Variants in NLE1 observed in about 807,000 individuals in gnomAD.
NLE1 encodes notchless homolog 1.
Under a neutral mutation model 62.8 loss-of-function variants are expected in NLE1, and 37 were observed. The ratio of observed to expected loss-of-function variants is 0.59; its 90% CI spans 0.45 to 0.78. The LOEUF (loss-of-function observed/expected upper bound fraction) is 0.78, where lower values mean the gene tolerates loss of function less well. Among genes scored for constraint, NLE1 ranks in the 30% least tolerant of loss-of-function variants. The pLI, the probability that NLE1 is intolerant of heterozygous loss-of-function variation, is 0.00. For synonymous variants in NLE1, 243 were observed against 253.0 expected, an observed-to-expected ratio of 0.96 and a Z score of 0.37; for missense variants, 555 against 637.9, an observed-to-expected ratio of 0.87 and a Z score of 1.40.
Position 35,137,094 on chromosome 17 carries a change from G to T in NLE1, c.735C>A (p.His245Gln). The part of the protein sequence containing the change: ...AGRCERILTG[H>Q]TQSVTCLRWG... The stretch of plus-strand genomic sequence containing the variant: ...ACCGGAGACAGGTGACCGACTGGGT[G>T]TGCCCGGTGAGGATGCGCTCACAGC... Residue 245 changes from histidine (H) to glutamine (Q), a missense_variant, in exon 7 of 13, where the codon CAC becomes CAA. Physicochemically the swap from His to Gln is conservative, Grantham distance 24. Transcript: ENST00000442241. 2.5e-6 allele frequency: 4 copies of T among 1,614,006 alleles called. No homozygotes were observed. Among genetic ancestry groups the T allele is most frequent in the Non-Finnish European group, 3.4e-6 (4 of 1,179,986 alleles).
chr17:35,136,605 T>A, intron 7 of NLE1, 108 bp from the exon 8 acceptor site: 1 of 1,365,370 alleles, frequency 7.3e-7, no homozygotes, highest in Non-Finnish European at 9.9e-7. Flanking sequence ...ACTCATGCAT[T>A]GTGATCTTAA....
chr17:35,135,419 G>T lies in NLE1; in HGVS notation c.1044C>A (p.Ser348=), dbSNP rs780986294. ...ACCACAGGAATAAGGTGAAGTCGTC[G>T]GAGCCAGACACCAGCCTCTCTGGAC... is the stretch of plus-strand genomic sequence containing the variant. The part of the protein sequence containing the change: ...GQGPERLVSG[S]DDFTLFLWSP... The change falls in exon 10 of 13, where the codon TCC becomes TCA. Residue 348 remains serine, a synonymous_variant. Coordinates refer to ENST00000442241, the MANE Select transcript of NLE1 (RefSeq NM_018096.5). The T allele has an allele frequency of 6.2e-7, 1 of 1,614,088 alleles. No individual in the cohort carries two copies. The highest frequency in any genetic ancestry group is 8.5e-7 in the Non-Finnish European group (1 of 1,179,992).
intron 7 of NLE1, 138 bp from the exon 8 acceptor site, chr17:35,136,635 T>G: frequency 9.2e-7 from 1 of 1,085,652 alleles, no homozygotes; most frequent in South Asian, 1.7e-5. Context: ...CCCTCTGGGG[T>G]CAAGTCTCTC....
chr17:35,135,193 C>A, intron 10 of NLE1, 56 bp downstream of exon 10: 1 of 1,543,074 alleles, frequency 6.5e-7, no homozygotes, highest in East Asian at 2.2e-5. Context: ...AGTGGCAGTG[C>A]CAAGCCCCTC....
Position 35,137,771 on chromosome 17 carries a change from G to A in NLE1, c.537+43C>T, listed in dbSNP as rs752306227. The A allele has an allele frequency of 3.5e-6, 5 of 1,435,032 alleles. No individual in the cohort carries two copies. In the East Asian group the frequency reaches 1.3e-4, roughly 36 times the overall value. 88.9% of individuals were successfully genotyped at this position (1,435,032 alleles called of 1,614,324 possible). Reference sequence around the variant, plus strand: ...CTGATTCTGAACTGTCTCCTAGGAAGGCCCCCTTGAGTCTCTGCCTAGTTA... The same window carrying A: ...CTGATTCTGAACTGTCTCCTAGGAAAGCCCCCTTGAGTCTCTGCCTAGTTA... On this transcript the variant is annotated intron_variant, in intron 5 of 12. Transcript: ENST00000442241.
At chr17:35,132,566 G>T in intron 12 of NLE1, 117 bp from the exon 13 acceptor site, 1 of 922,792 alleles carries the variant, frequency 1.1e-6, no homozygotes, top group Non-Finnish European at 1.5e-6. Flanking sequence ...GTCACCAAGA[G>T]CCAGGTGACC....
chr17:35,136,076 T>C, intron 9 of NLE1, 93 bp downstream of exon 9: 2 of 1,281,008 alleles, frequency 1.6e-6, no homozygotes, highest in Non-Finnish European at 2.2e-6. Context: ...CATTCTGAGC[T>C]GGGTCTAGAA....
intron 12 of NLE1, among the ~76,000 whole-genome samples, chr17:35,132,960 G>A (rs1001985352): frequency 1.7e-4 from 26 of 151,240 alleles, no homozygotes; most frequent in Non-Finnish European, 4.4e-5. Flanking sequence ...CGCCCTCTAC[G>A]AGGTGTCCTG....
intron 6 of NLE1, 35 bp from the exon 7 acceptor site, chr17:35,137,228 C>A: frequency 6.4e-7 from 1 of 1,554,746 alleles, no homozygotes; most frequent in South Asian, 1.2e-5. Flanking sequence ...CATCTGTGAC[C>A]TGGCAACATC....
At chr17:35,136,243 A>G in intron 8 of NLE1, 28 bp from the exon 9 acceptor site, 1 of 1,613,808 alleles carries the variant, frequency 6.2e-7, no homozygotes, top group Non-Finnish European at 8.5e-7. Context: ...AGGGGAGAAA[A>G]GGAGATGAGG....
In NLE1 at chr17:35,132,330, T is replaced by C. The variant is rs2091880784; in HGVS notation, c.*107A>G. ...GCCACACGCATTCTCAGGTCCCCACTGGTGGGGAGGGTGTGTGCACTGCCA... is the reference window on the plus strand; with the variant it reads ...GCCACACGCATTCTCAGGTCCCCACCGGTGGGGAGGGTGTGTGCACTGCCA... On this transcript the variant is annotated 3_prime_UTR_variant, in exon 13 of 13. Transcript: ENST00000442241. 1.0e-6 allele frequency: 1 copy of C among 962,462 alleles called. No homozygotes were observed. The highest frequency in any genetic ancestry group is 3.8e-5 in the Admixed American group (1 of 26,170). The allele number at this position is 962,462 out of a possible 1,614,324, so 59.6% of individuals were successfully genotyped here.
At position 35,129,330 on chromosome 17, in the gene NLE1, G is replaced by A. The variant is rs2091862110; in HGVS notation, c.*3107C>T. ...TGGGCCCCAGCAGGAGCAGGGGATGGGCATGGGACGTCCTGACCCCAGTTG... is the reference window on the plus strand; with the variant it reads ...TGGGCCCCAGCAGGAGCAGGGGATGAGCATGGGACGTCCTGACCCCAGTTG... On this transcript the variant is annotated 3_prime_UTR_variant, in exon 13 of 13. Coordinates refer to ENST00000442241, the MANE Select transcript of NLE1 (RefSeq NM_018096.5). 4 of 1,511,148 alleles carry A rather than the reference G, an allele frequency of 2.6e-6. No individual in the cohort carries two copies. Among genetic ancestry groups the A allele is most frequent in the Middle Eastern group, 1.8e-4 (1 of 5,696 alleles). 93.6% of individuals were successfully genotyped at this position (1,511,148 alleles called of 1,614,324 possible). A position where few individuals can be genotyped will look rare whatever the true frequency, so the allele number is the denominator to read the frequency against.
Position 35,137,075 on chromosome 17 carries a change from G to C in NLE1, c.754C>G (p.Leu252Val). The C allele has an allele frequency of 1.2e-6, 2 of 1,614,060 alleles. No homozygotes were observed. The highest frequency in any genetic ancestry group is 1.7e-6 in the Non-Finnish European group (2 of 1,179,982). Residue 252 changes from leucine to valine, a missense_variant, in exon 7 of 13, where the codon CTC becomes GTC. Physicochemically the swap from Leu to Val is conservative, Grantham distance 32. Coordinates refer to ENST00000442241, the MANE Select transcript of NLE1 (RefSeq NM_018096.5). ...LTGHTQSVTC[L>V]RWGGDGLLYS... ...AGAAGCCCGTCCCCTCCCCACCGGA[G>C]ACAGGTGACCGACTGGGTGTGCCCG... is the stretch of plus-strand genomic sequence containing the variant.
Position 35,130,683 on chromosome 17 carries a change from A to C in NLE1, c.*1754T>G. Reference sequence around the variant, plus strand: ...GCTGCTAGACTCCCTCCTCCTCCAAATCTGGGCTGGGTCTAGGTCCCTCAT... The same window carrying C: ...GCTGCTAGACTCCCTCCTCCTCCAACTCTGGGCTGGGTCTAGGTCCCTCAT... On this transcript the variant is annotated 3_prime_UTR_variant, in exon 13 of 13. Transcript: ENST00000442241. 12 of 493,852 alleles carry C rather than the reference A, an allele frequency of 2.4e-5. No homozygotes were observed. The highest frequency in any genetic ancestry group is 3.5e-5 in the East Asian group (1 of 28,402). 30.6% of individuals were successfully genotyped at this position (493,852 alleles called of 1,614,324 possible).
Position 35,130,569 on chromosome 17 carries a change from C to A in NLE1, c.*1868G>T. 1 of 937,150 alleles carries A rather than the reference C, an allele frequency of 1.1e-6. No individual in the cohort carries two copies. Among genetic ancestry groups the A allele is most frequent in the Non-Finnish European group, 1.6e-6 (1 of 642,706 alleles). 58.1% of individuals were successfully genotyped at this position (937,150 alleles called of 1,614,324 possible). A position where few individuals can be genotyped will look rare whatever the true frequency, so the allele number is the denominator to read the frequency against. On this transcript the variant is annotated 3_prime_UTR_variant, in exon 13 of 13. Transcript: ENST00000442241. ...CTGGCAGAGTGGTATGGGCACCCCA[C>A]CCCTGGGCTGGGGCCAAGGCTACAT...
At chr17:35,138,917 T>A (rs1460288156) in intron 4 of NLE1, among the ~76,000 whole-genome samples, 1 of 151,982 alleles carries the variant, frequency 6.6e-6, no homozygotes, top group African/African-American at 2.4e-5. Flanking sequence ...TGTGTCTAAG[T>A]GGCTGGCTGG....
chr17:35,137,511 T>C, intron 6 of NLE1, 32 bp downstream of exon 6: 1 of 1,556,350 alleles, frequency 6.4e-7, no homozygotes, highest in South Asian at 1.1e-5. Context: ...ATCCCCTGGC[T>C]CATTTGTCCC....
At position 35,129,373 on chromosome 17, in the gene NLE1, G is replaced by A. The variant is rs376131937; in HGVS notation, c.*3064C>T. ...CCCAGTTGGGAGGGTGAAGGGACAG[G>A]AAGGACAGGACATATCTGAGGAAGC... is the stretch of plus-strand genomic sequence containing the variant. On this transcript the variant is annotated 3_prime_UTR_variant, in exon 13 of 13. Coordinates refer to ENST00000442241, the MANE Select transcript of NLE1 (RefSeq NM_018096.5). 1.1e-4 allele frequency: 178 copies of A among 1,589,052 alleles called. No individual in the cohort carries two copies. Among genetic ancestry groups the A allele is most frequent in the Admixed American group, 1.9e-4 (11 of 58,876 alleles).
chr17:35,137,254 C>T (rs975302820), intron 6 of NLE1, 61 bp from the exon 7 acceptor site: 22 of 1,430,624 alleles, frequency 1.5e-5, no homozygotes, highest in Non-Finnish European at 2.1e-5. Flanking sequence ...GCCCATGGCA[C>T]CTCCCCATTC....
Sources: allele counts gnomAD v4.1 joint callset (sites outside exome capture counted in the v4.1 genomes callset), GRCh38; gene constraint gnomAD v4.1.1; transcripts MANE v1.5; gene names NCBI Gene and HGNC (gene_info 2026-07-23, HGNC 2026-07-21).